Variants in GPC5 observed in about 807,000 individuals in gnomAD.
The protein encoded by GPC5 is glypican 5.
In GPC5, 47 loss-of-function variants were observed where a neutral mutation model predicts 53.9. The ratio of observed to expected loss-of-function variants is 0.87; its 90% CI spans 0.69 to 1.11. The LOEUF is 1.11. Ranked by LOEUF, GPC5 falls within the 50% of genes most tolerant of loss-of-function variation. GPC5 has a pLI of 0.00. For synonymous variants in GPC5, 286 were observed against 263.3 expected, an observed-to-expected ratio of 1.09 and a Z score of -0.84; for missense variants, 748 against 713.1, an observed-to-expected ratio of 1.05 and a Z score of -0.56.
chr13:92,481,448 G>A (rs574770507), intron 7 of GPC5, among the ~76,000 whole-genome samples: 17 of 152,086 alleles, frequency 1.1e-4, no homozygotes, highest in Non-Finnish European at 2.4e-4. Context: ...TGTTATAGCA[G>A]CAATGGGAAA....
Position 91,625,861 on chromosome 13 carries a change from G to A in GPC5, c.326-67326G>A, listed in dbSNP as rs117772831. On this transcript the variant is annotated intron_variant, in intron 2 of 7. Coordinates refer to ENST00000377067, the MANE Select transcript of GPC5 (RefSeq NM_004466.6). ...TCAGTTCAGAAGAAGTGCCTTATGT[G>A]GTATGTGAACTTAAATATTCATTTT... Among the ~76,000 whole-genome samples, 428 of 152,032 alleles carry A rather than the reference G, an allele frequency of 2.8e-3. 1 individual carries two copies. The highest frequency in any genetic ancestry group is 4.9e-3 in the Non-Finnish European group (332 of 67,930).
intron 7 of GPC5, among the ~76,000 whole-genome samples, chr13:92,376,225 T>C (rs1472481193): frequency 6.6e-6 from 1 of 152,228 alleles, no homozygotes; most frequent in African/African-American, 2.4e-5. Flanking sequence ...TGATATTTTA[T>C]AATAGCATCT....
intron 6 of GPC5, among the ~76,000 whole-genome samples, chr13:92,076,564 A>ATTTTTTTTTTT (rs35009219): frequency 6.7e-6 from 1 of 148,158 alleles, no homozygotes. Context: ...CTAAGCTCAG[A>ATTTTTTTTTTT]TTTTTTTTTT....
chr13:91,881,921 A>G (rs1413651508), intron 5 of GPC5, among the ~76,000 whole-genome samples: 1 of 152,174 alleles, frequency 6.6e-6, no homozygotes, highest in Non-Finnish European at 1.5e-5. Flanking sequence ...AAACTTAAAA[A>G]TCAGGGAGTT....
chr13:91,979,545 A>G (rs1163613588), intron 6 of GPC5, among the ~76,000 whole-genome samples: 5 of 152,316 alleles, frequency 3.3e-5, no homozygotes, highest in Admixed American at 2.6e-4. Flanking sequence ...AGAAAGACTT[A>G]TATCTGCAGG....
At chr13:91,601,525 C>G (rs2033180808) in intron 2 of GPC5, among the ~76,000 whole-genome samples, 1 of 152,168 alleles carries the variant, frequency 6.6e-6, no homozygotes, top group Non-Finnish European at 1.5e-5. Flanking sequence ...GGCAGGTGAG[C>G]AAGTGAAGCT....
At chr13:92,495,305 G>A (rs1007853707) in intron 7 of GPC5, among the ~76,000 whole-genome samples, 6 of 152,082 alleles carry the variant, frequency 3.9e-5, no homozygotes, top group African/African-American at 1.4e-4. Context: ...GTTTGGGGAG[G>A]TGGAGGTAAA....
At position 91,563,475 on chromosome 13, in the gene GPC5, G is replaced by A. The variant is rs188272981; in HGVS notation, c.325+114553G>A. Among the ~76,000 whole-genome samples, 3 of 152,196 alleles carry A rather than the reference G, an allele frequency of 2.0e-5. No homozygotes were observed. The East Asian group carries it at 5.8e-4, about 29-fold the overall frequency. Reference sequence around the variant, plus strand: ...ATGCTGACATACATTTCATATCTTAGACATCTTTCAGGGTTGATAGTTATA... The same window carrying A: ...ATGCTGACATACATTTCATATCTTAAACATCTTTCAGGGTTGATAGTTATA... On this transcript the variant is annotated intron_variant, in intron 2 of 7. Coordinates refer to ENST00000377067, the MANE Select transcript of GPC5 (RefSeq NM_004466.6).
intron 7 of GPC5, among the ~76,000 whole-genome samples, chr13:92,436,938 A>C (rs994941083): frequency 2.0e-5 from 3 of 152,220 alleles, no homozygotes; most frequent in African/African-American, 7.2e-5. Context: ...AAAAGATTTT[A>C]TAACTTTAAT....
At chr13:92,536,891 T>G (rs1881743272) in intron 7 of GPC5, among the ~76,000 whole-genome samples, 2 of 152,130 alleles carry the variant, frequency 1.3e-5, no homozygotes, top group Admixed American at 1.3e-4. Flanking sequence ...TATGCAGGCT[T>G]ATTAGTGTAT....
chr13:92,177,419 A>G (rs138297589), intron 7 of GPC5, among the ~76,000 whole-genome samples: 82 of 152,320 alleles, frequency 5.4e-4, no homozygotes, highest in South Asian at 1.7e-3. Context: ...ACCTATCTTG[A>G]TGGAAAGTTG....
chr13:91,927,306 C>G (rs2039778351), intron 6 of GPC5, among the ~76,000 whole-genome samples: 1 of 152,048 alleles, frequency 6.6e-6, no homozygotes, highest in Admixed American at 6.6e-5. Flanking sequence ...ATTAAATCAT[C>G]TAAACAATCA....
At position 91,571,962 on chromosome 13, in the gene GPC5, T is replaced by C. The variant is rs369485226; in HGVS notation, c.326-121225T>C. ...ATGTATATACATATACACACATATA[T>C]GTATATATGTGTATATATGTATATA... On this transcript the variant is annotated intron_variant, in intron 2 of 7. Transcript: ENST00000377067. Among the ~76,000 whole-genome samples, 6 of 143,602 alleles carry C rather than the reference T, an allele frequency of 4.2e-5. No homozygotes were observed. In the East Asian group the frequency reaches 6.2e-4, roughly 15 times the overall value. 94.2% of individuals were successfully genotyped at this position (143,602 alleles called of 152,430 possible).
chr13:91,938,925 C>T (rs2039898628), intron 6 of GPC5, among the ~76,000 whole-genome samples: 1 of 151,930 alleles, frequency 6.6e-6, no homozygotes, highest in Non-Finnish European at 1.5e-5. Context: ...TATCTTTATA[C>T]TGAGTTTTCA....
At chr13:92,385,467 T>C (rs865780261) in intron 7 of GPC5, among the ~76,000 whole-genome samples, 4 of 138,120 alleles carry the variant, frequency 2.9e-5, no homozygotes, top group Admixed American at 7.7e-5. Flanking sequence ...TATACACATA[T>C]ATACATATAT....
At chr13:92,828,678 G>A (rs1176899261) in intron 7 of GPC5, among the ~76,000 whole-genome samples, 1 of 152,096 alleles carries the variant, frequency 6.6e-6, no homozygotes, top group Non-Finnish European at 1.5e-5. Flanking sequence ...TAGGAAAATT[G>A]AGCTCAAGTC....
chr13:92,007,062 AT>A (rs1381441060), intron 6 of GPC5, among the ~76,000 whole-genome samples: 1 of 152,180 alleles, frequency 6.6e-6, no homozygotes, highest in Non-Finnish European at 1.5e-5. Context: ...GTAAATTTGT[AT>A]TGATGCTAGT....
intron 5 of GPC5, among the ~76,000 whole-genome samples, chr13:91,854,439 T>A (rs2138897876): frequency 6.6e-6 from 1 of 151,892 alleles, no homozygotes; most frequent in East Asian, 1.9e-4. Context: ...ATTAAATGAT[T>A]GACTCTAGTC....
At chr13:92,297,576 G>A (rs1442471853) in intron 7 of GPC5, among the ~76,000 whole-genome samples, 1 of 152,102 alleles carries the variant, frequency 6.6e-6, no homozygotes, top group Non-Finnish European at 1.5e-5. Context: ...AGCTGCTCTG[G>A]TGGGGCCTTG....
Sources: gnomAD v4.1 joint callset for allele counts (sites outside exome capture counted in the v4.1 genomes callset) on GRCh38, gnomAD v4.1.1 for gene constraint, MANE v1.5 for transcripts, NCBI Gene and HGNC (gene_info 2026-07-23, HGNC 2026-07-21) for gene names.